The following CIMIP5 variants were observed in gnomAD, a reference collection of about 807,000 sequenced individuals.
CIMIP5 encodes ciliary microtubule inner protein 5, also known as uncharacterized protein C2orf50.
chr2:11,133,304 A>G, the CIMIP5 span: 4 of 1,533,462 alleles, frequency 2.6e-6, no homozygotes, highest in Non-Finnish European at 3.5e-6. Flanking sequence ...TCTCTCTGAC[A>G]CAAGCGCACA....
chr2:11,154,230 G>A, the CIMIP5 span, among the ~76,000 whole-genome samples: 1 of 152,206 alleles, frequency 6.6e-6, no homozygotes. Context: ...TTCCCGCTTC[G>A]CGGGGTCAAT....
the CIMIP5 span, among the ~76,000 whole-genome samples, chr2:11,141,279 C>G: frequency 1.3e-5 from 2 of 152,062 alleles, no homozygotes; most frequent in South Asian, 2.1e-4. Context: ...TAGGTGCACA[C>G]CACCATGCCT....
chr2:11,142,366 C>T, the CIMIP5 span, among the ~76,000 whole-genome samples: 1 of 151,920 alleles, frequency 6.6e-6, no homozygotes, highest in African/African-American at 2.4e-5. Flanking sequence ...CTGGACCCTG[C>T]CAGGTTGAGG....
the CIMIP5 span, among the ~76,000 whole-genome samples, chr2:11,152,400 C>A: frequency 6.6e-6 from 1 of 152,144 alleles, no homozygotes; most frequent in Non-Finnish European, 1.5e-5. Flanking sequence ...TCAGCCTATG[C>A]CCAGGAAGGA....
the CIMIP5 span, chr2:11,144,241 A>T: frequency 1.4e-6 from 1 of 700,732 alleles, no homozygotes; most frequent in Non-Finnish European, 2.2e-6. Flanking sequence ...GCTGCAGGAC[A>T]CTCTTCCAGG....
the CIMIP5 span, among the ~76,000 whole-genome samples, chr2:11,154,534 T>A: frequency 6.6e-6 from 1 of 152,248 alleles, no homozygotes; most frequent in Admixed American, 6.5e-5. Flanking sequence ...GCCTGCTTCA[T>A]AACCAGGCCC....
chr2:11,142,412 T>C, the CIMIP5 span, among the ~76,000 whole-genome samples: 621 of 152,296 alleles, frequency 4.1e-3, 7 homozygotes, highest in African/African-American at 0.014. Context: ...CCTGCTGGAC[T>C]TGTTGCTGTC....
the CIMIP5 span, among the ~76,000 whole-genome samples, chr2:11,154,327 G>A: frequency 6.6e-6 from 1 of 152,068 alleles, no homozygotes; most frequent in Non-Finnish European, 1.5e-5. Context: ...ATTTAGACTT[G>A]GGAGGCAGGA....
chr2:11,153,180 A>C, the CIMIP5 span, among the ~76,000 whole-genome samples: 2 of 152,176 alleles, frequency 1.3e-5, no homozygotes, highest in Non-Finnish European at 2.9e-5. Context: ...CAAAGTAGCC[A>C]GGGAGGGGTC....
the CIMIP5 span, among the ~76,000 whole-genome samples, chr2:11,148,269 C>T: frequency 6.6e-6 from 1 of 152,002 alleles, no homozygotes; most frequent in African/African-American, 2.4e-5. Flanking sequence ...AAGCATGCAC[C>T]ACCACACCCG....
At chr2:11,149,772 A>C in the CIMIP5 span, among the ~76,000 whole-genome samples, 2 of 152,202 alleles carry the variant, frequency 1.3e-5, no homozygotes, top group Admixed American at 6.5e-5. Context: ...TAAAAGACAA[A>C]GAAAGGCTGA....
the CIMIP5 span, chr2:11,133,630 G>A: frequency 6.4e-7 from 1 of 1,552,946 alleles, no homozygotes; most frequent in Non-Finnish European, 8.7e-7. Flanking sequence ...TGACTCCGCA[G>A]CCTGACTGCA....
chr2:11,143,996 A>G, the CIMIP5 span: 3 of 1,607,298 alleles, frequency 1.9e-6, no homozygotes, highest in South Asian at 3.4e-5. Context: ...TCCACGAACC[A>G]GGTTGTGGGC....
At chr2:11,141,755 C>A in the CIMIP5 span, among the ~76,000 whole-genome samples, 4 of 152,124 alleles carry the variant, frequency 2.6e-5, no homozygotes, top group African/African-American at 9.7e-5. Flanking sequence ...GGGAGGATCA[C>A]CTGGACCCAT....
At chr2:11,140,374 TAAAA>T in the CIMIP5 span, 5,244 of 278,136 alleles carry the variant, frequency 0.019, no homozygotes, top group East Asian at 0.041. Flanking sequence ...GCCTCCGTCT[TAAAA>T]AAAAAAAAAA....
At chr2:11,143,411 C>T in the CIMIP5 span, among the ~76,000 whole-genome samples, 3 of 151,810 alleles carry the variant, frequency 2.0e-5, no homozygotes, top group Non-Finnish European at 4.4e-5. Context: ...GGAGCAGAGA[C>T]AGGGGCTGAG....
chr2:11,140,109 TGG>T, the CIMIP5 span, among the ~76,000 whole-genome samples: 1 of 115,790 alleles, frequency 8.6e-6, no homozygotes, highest in Non-Finnish European at 1.7e-5. Flanking sequence ...AAAAAAAGGC[TGG>T]GCGTGGTGGC....
chr2:11,153,343 AG>A, the CIMIP5 span, among the ~76,000 whole-genome samples: 2 of 152,128 alleles, frequency 1.3e-5, no homozygotes, highest in Non-Finnish European at 2.9e-5. Context: ...TACCTCTCAA[AG>A]GCCCCTCATG....
At chr2:11,135,132 C>G in the CIMIP5 span, among the ~76,000 whole-genome samples, 2 of 152,100 alleles carry the variant, frequency 1.3e-5, no homozygotes. Context: ...CATTCGTGAC[C>G]CAAACACCTC....
Sources: gnomAD v4.1 joint callset for allele counts (sites outside exome capture counted in the v4.1 genomes callset) on GRCh38, gnomAD v4.1.1 for gene constraint, MANE v1.5 for transcripts, NCBI Gene and HGNC (gene_info 2026-07-23, HGNC 2026-07-21) for gene names.